Variants in ARHGEF10L observed in about 807,000 individuals in gnomAD.
ARHGEF10L encodes the protein rho guanine nucleotide exchange factor 10-like protein.
In ARHGEF10L, 69 loss-of-function variants were observed where a neutral mutation model predicts 141.2. The ratio of observed to expected loss-of-function variants is 0.49; its 90% CI spans 0.40 to 0.60. The LOEUF (loss-of-function observed/expected upper bound fraction) is 0.60. ARHGEF10L is among the 20% of genes least tolerant of loss of function. ARHGEF10L has a pLI of 0.00. For missense variants in ARHGEF10L, 1,482 were observed against 1,734.3 expected (o/e 0.85, Z 2.58); for synonymous variants, 711 against 718.5 (o/e 0.99, Z 0.17).
intron 3 of ARHGEF10L, 97 bp from the exon 4 acceptor site, chr1:17,588,349 G>A (rs1191127388): frequency 5.0e-6 from 7 of 1,387,236 alleles, no homozygotes; most frequent in Non-Finnish European, 7.1e-6. Context: ...CCCTGTCTGC[G>A]GCGCCCCTGG....
chr1:17,661,918 C>T (rs1428695862), intron 25 of ARHGEF10L, among the ~76,000 whole-genome samples: 1 of 151,258 alleles, frequency 6.6e-6, no homozygotes, highest in East Asian at 1.9e-4. Flanking sequence ...GTTGGAGAAG[C>T]AGGCCAGGCC....
intron 1 of ARHGEF10L, among the ~76,000 whole-genome samples, chr1:17,541,375 CAG>C (rs2076722814): frequency 6.6e-6 from 1 of 152,232 alleles, no homozygotes; most frequent in African/African-American, 2.4e-5. Context: ...GATCACAGCT[CAG>C]AACAGTGCCT....
chr1:17,634,669 C>T (rs576499539), intron 17 of ARHGEF10L, 107 bp downstream of exon 17: 15 of 1,506,444 alleles, frequency 1.0e-5, no homozygotes, highest in South Asian at 7.5e-5. Flanking sequence ...GGTGCTTCTA[C>T]CCTGGCGAGG....
intron 22 of ARHGEF10L, among the ~76,000 whole-genome samples, chr1:17,653,141 C>A (rs1048633460): frequency 6.6e-6 from 1 of 152,188 alleles, no homozygotes; most frequent in African/African-American, 2.4e-5. Context: ...CCAGTCCCCA[C>A]GGCCATCCTG....
chr1:17,606,220 G>A (rs1169681510), intron 6 of ARHGEF10L, among the ~76,000 whole-genome samples: 2 of 152,176 alleles, frequency 1.3e-5, no homozygotes, highest in Admixed American at 1.3e-4. Flanking sequence ...ACATTTTGCA[G>A]AGAGGTCTCT....
At chr1:17,681,990 A>T (rs968950178) in intron 26 of ARHGEF10L, among the ~76,000 whole-genome samples, 170 of 91,846 alleles carry the variant, frequency 1.9e-3, no homozygotes, top group African/African-American at 8.0e-3. Flanking sequence ...TCCTAGATTT[A>T]AAAAAAAAAA....
upstream of ARHGEF10L, among the ~76,000 whole-genome samples, chr1:17,536,622 A>G (rs1161464640): frequency 6.6e-6 from 1 of 152,190 alleles, no homozygotes; most frequent in East Asian, 1.9e-4. Flanking sequence ...TTTCCAGCAT[A>G]TGTTTTGTGA....
At chr1:17,649,734 A>G (rs2061804738) in intron 22 of ARHGEF10L, among the ~76,000 whole-genome samples, 1 of 152,236 alleles carries the variant, frequency 6.6e-6, no homozygotes, top group Non-Finnish European at 1.5e-5. Flanking sequence ...CATCGGGGCC[A>G]CAGTAGATAC....
intron 5 of ARHGEF10L, among the ~76,000 whole-genome samples, chr1:17,602,730 G>A (rs1056239669): frequency 2.6e-5 from 4 of 152,158 alleles, no homozygotes; most frequent in Non-Finnish European, 5.9e-5. Context: ...GGGCCCTGCA[G>A]CTCCTCAGGG....
At chr1:17,629,683 G>A (rs889881601) in intron 15 of ARHGEF10L, among the ~76,000 whole-genome samples, 7 of 152,162 alleles carry the variant, frequency 4.6e-5, no homozygotes, top group Admixed American at 4.6e-4. Context: ...CCACCCCCTG[G>A]TTCCAGGCAG....
At chr1:17,618,200 G>C (rs978127466) in intron 9 of ARHGEF10L, 1 of 885,132 alleles carries the variant, frequency 1.1e-6, no homozygotes, top group East Asian at 3.2e-5. Flanking sequence ...CAGCTGGCTG[G>C]GAACTCTTCC....
chr1:17,568,281 T>A (rs1406555140), intron 1 of ARHGEF10L, among the ~76,000 whole-genome samples: 1 of 152,244 alleles, frequency 6.6e-6, no homozygotes, highest in Non-Finnish European at 1.5e-5. Context: ...TGAAGCACTT[T>A]CTGAGAATTA....
At position 17,608,106 on chromosome 1, in the gene ARHGEF10L, G is replaced by T. The variant is rs867858137; in HGVS notation, c.609+129G>T. On this transcript the variant is annotated intron_variant, in intron 7 of 28. Transcript: ENST00000361221. The stretch of plus-strand genomic sequence containing the variant: ...ACGTCTGGGTCCCAGGGATTCCCGG[G>T]TATGTGTGGTGAGAGGGGAGCCAGA... The T allele has an allele frequency of 6.9e-6, 7 of 1,018,396 alleles. No homozygotes were observed. The African/African-American group carries it at 1.2e-4, about 17-fold the overall frequency. 63.1% of individuals were successfully genotyped at this position (1,018,396 alleles called of 1,614,324 possible). A position where few individuals can be genotyped will look rare whatever the true frequency, so the allele number is the denominator to read the frequency against.
At chr1:17,593,216 C>G (rs1312869013) in intron 4 of ARHGEF10L, among the ~76,000 whole-genome samples, 1 of 152,190 alleles carries the variant, frequency 6.6e-6, no homozygotes, top group Non-Finnish European at 1.5e-5. Context: ...CGTTTTTTAT[C>G]CCAGTGCCTG....
upstream of ARHGEF10L, among the ~76,000 whole-genome samples, chr1:17,539,494 G>T (rs1456910712): frequency 6.6e-6 from 1 of 152,018 alleles, no homozygotes; most frequent in East Asian, 1.9e-4. The surrounding 1 kb of genome is among the most constrained non-coding windows in gnomAD (Gnocchi z 6.0). Context: ...CCATCCCCGC[G>T]GGCCTCAGTT....
At position 17,551,052 on chromosome 1, in the gene ARHGEF10L, C is replaced by G. The variant is rs547164957; in HGVS notation, c.-44+11102C>G. 2.6e-5 allele frequency among the ~76,000 whole-genome samples: 4 copies of G among 152,092 alleles called. No homozygotes were observed. The South Asian group carries it at 8.3e-4, about 32-fold the overall frequency. ...CCCAGTGCACCTGCCAGCAGGTGCACGACTGTGTAGGGAGTGAGGATTCAC... is the reference window on the plus strand; with the variant it reads ...CCCAGTGCACCTGCCAGCAGGTGCAGGACTGTGTAGGGAGTGAGGATTCAC... On this transcript the variant is annotated intron_variant, in intron 1 of 28. Transcript: ENST00000361221.
chr1:17,593,267 G>A (rs754751128), intron 4 of ARHGEF10L, among the ~76,000 whole-genome samples: 26 of 152,290 alleles, frequency 1.7e-4, no homozygotes, highest in Admixed American at 5.9e-4. Context: ...ACACGTGCAC[G>A]GACTTTACAG....
rs564673258 is a variant in ARHGEF10L, at chr1:17,545,676, T to G, written c.-44+5726T>G. On this transcript the variant is annotated intron_variant, in intron 1 of 28. Transcript: ENST00000361221. ...AGGACATGGGTGGCTAGAGCTGACATAGGCAACAGTGGGCATGACCTGTCC... is the reference window on the plus strand; with the variant it reads ...AGGACATGGGTGGCTAGAGCTGACAGAGGCAACAGTGGGCATGACCTGTCC... Among the ~76,000 whole-genome samples, 5 of 152,262 alleles carry G rather than the reference T, an allele frequency of 3.3e-5. No homozygotes were observed. In the South Asian group the frequency reaches 1.0e-3, roughly 32 times the overall value.
chr1:17,646,633 C>A (rs1238271083), intron 21 of ARHGEF10L, among the ~76,000 whole-genome samples: 1 of 152,220 alleles, frequency 6.6e-6, no homozygotes, highest in Middle Eastern at 3.4e-3. Context: ...GGTGGAGGAG[C>A]AGGGAGTAGC....
Sources: gnomAD v4.1 joint callset for allele counts (sites outside exome capture counted in the v4.1 genomes callset) on GRCh38, gnomAD v4.1.1 for gene constraint, Gnocchi (gnomAD v3.1) non-coding constraint, MANE v1.5 for transcripts, NCBI Gene and HGNC (gene_info 2026-07-23, HGNC 2026-07-21) for gene names.